IL1RAPL2: variants seen among roughly 807,000 people sequenced by gnomAD.
The protein encoded by IL1RAPL2 is interleukin 1 receptor accessory protein like 2, also known as X-linked interleukin-1 receptor accessory protein-like 2.
In IL1RAPL2, 3 loss-of-function variants were observed where a neutral mutation model predicts 44.1. That is an observed-to-expected ratio of 0.07 (90% CI 0.03 to 0.18). The LOEUF (loss-of-function observed/expected upper bound fraction) is 0.18. Among genes scored for constraint, IL1RAPL2 ranks in the 10% least tolerant of loss-of-function variants. IL1RAPL2 has a pLI of 1.00. For missense variants in IL1RAPL2, 391 were observed against 496.4 expected (o/e 0.79, Z 2.02); for synonymous variants, 181 against 178.8 (o/e 1.01, Z -0.10).
chrX:104,933,954 T>C (rs921955517), intron 2 of IL1RAPL2, among the ~76,000 whole-genome samples: 1 of 111,562 alleles, frequency 9.0e-6, no homozygotes, highest in East Asian at 2.8e-4. Flanking sequence ...TATGGAAAAT[T>C]TGCAAATGGG....
intron 6 of IL1RAPL2, among the ~76,000 whole-genome samples, chrX:105,569,650 A>G (rs1345434494): frequency 1.8e-5 from 2 of 111,824 alleles, no homozygotes; most frequent in African/African-American, 6.5e-5. Flanking sequence ...CTCCAAACCA[A>G]TATCCTACAC....
chrX:105,424,748 C>T (rs1404556816), intron 5 of IL1RAPL2, among the ~76,000 whole-genome samples: 2 of 107,054 alleles, frequency 1.9e-5, no homozygotes, highest in Admixed American at 1.0e-4. Context: ...GAAACTATGT[C>T]TCAAAAAAAT....
At chrX:105,157,456 T>C (rs2033279302) in intron 2 of IL1RAPL2, among the ~76,000 whole-genome samples, 1 of 112,396 alleles carries the variant, frequency 8.9e-6, no homozygotes, top group African/African-American at 3.2e-5. Context: ...CAATTTTCAA[T>C]TATAAAATTC....
chrX:104,683,463 G>T (rs1381440450), intron 2 of IL1RAPL2, among the ~76,000 whole-genome samples: 2 of 112,159 alleles, frequency 1.8e-5, no homozygotes, highest in Non-Finnish European at 3.8e-5. Context: ...GTCAGAGAAA[G>T]AAGCAGAATG....
chrX:104,748,137 C>T (rs2147582152), intron 2 of IL1RAPL2, among the ~76,000 whole-genome samples: 1 of 111,426 alleles, frequency 9.0e-6, no homozygotes, highest in East Asian at 2.8e-4. Context: ...AAAGGTGTTT[C>T]ATTACATGGA....
intron 3 of IL1RAPL2, among the ~76,000 whole-genome samples, chrX:105,209,012 G>T (rs1217404448): frequency 1.4e-4 from 16 of 111,694 alleles, no homozygotes; most frequent in African/African-American, 1.9e-4. Flanking sequence ...TTGCTCACAT[G>T]AATCTTTTTT....
intron 2 of IL1RAPL2, among the ~76,000 whole-genome samples, chrX:104,886,810 C>T (rs1345947948): frequency 1.8e-5 from 2 of 112,216 alleles, no homozygotes; most frequent in Non-Finnish European, 3.8e-5. Context: ...AGGGATAGCC[C>T]TCATCCGTTT....
At chrX:105,599,477 G>C (rs780146988) in intron 6 of IL1RAPL2, among the ~76,000 whole-genome samples, 42 of 111,185 alleles carry the variant, frequency 3.8e-4, no homozygotes, top group Non-Finnish European at 1.7e-4. Flanking sequence ...CCTGTGAATT[G>C]AGTGTAATAT....
intron 6 of IL1RAPL2, among the ~76,000 whole-genome samples, chrX:105,547,767 C>T (rs2036815747): frequency 8.9e-6 from 1 of 112,382 alleles, no homozygotes; most frequent in Non-Finnish European, 1.9e-5. Context: ...TGTGCACATA[C>T]TTTGTAAGTC....
At chrX:105,030,005 A>G (rs1271167864) in intron 2 of IL1RAPL2, among the ~76,000 whole-genome samples, 2 of 112,182 alleles carry the variant, frequency 1.8e-5, no homozygotes, top group Non-Finnish European at 3.8e-5. Context: ...ATGGTCAGTG[A>G]TGATGAGCAT....
intron 2 of IL1RAPL2, among the ~76,000 whole-genome samples, chrX:104,739,711 C>G (rs1201624037): frequency 8.9e-6 from 1 of 111,925 alleles, no homozygotes. Flanking sequence ...AAAATTTAAA[C>G]TACAGCACTA....
At chrX:105,709,143 A>G (rs1412056903) in intron 6 of IL1RAPL2, among the ~76,000 whole-genome samples, 2 of 112,178 alleles carry the variant, frequency 1.8e-5, no homozygotes, top group Non-Finnish European at 3.8e-5. Context: ...ACTGGGTCAA[A>G]GAAAGCAGGG....
intron 2 of IL1RAPL2, among the ~76,000 whole-genome samples, chrX:104,988,065 C>T (rs1308232421): frequency 8.9e-6 from 1 of 112,269 alleles, no homozygotes; most frequent in African/African-American, 3.2e-5. Flanking sequence ...ATTCTTTAGT[C>T]TTCCAGAGTG....
intron 2 of IL1RAPL2, among the ~76,000 whole-genome samples, chrX:104,812,045 A>G (rs1348257179): frequency 9.0e-6 from 1 of 111,370 alleles, no homozygotes; most frequent in African/African-American, 3.3e-5. Flanking sequence ...CTATGATGGC[A>G]GGAAGGGCAA....
intron 2 of IL1RAPL2, among the ~76,000 whole-genome samples, chrX:104,675,519 G>C (rs1252673491): frequency 9.0e-6 from 1 of 110,985 alleles, no homozygotes; most frequent in Non-Finnish European, 1.9e-5. Flanking sequence ...TTACTTCCAA[G>C]TATGTGGTCA....
chrX:105,432,129 CTT>C (rs386417369), intron 5 of IL1RAPL2, among the ~76,000 whole-genome samples: 6 of 44,839 alleles, frequency 1.3e-4, no homozygotes, highest in South Asian at 4.8e-3. Flanking sequence ...TTCAATTTGC[CTT>C]TTTTTTTTTT....
At chrX:105,734,036 G>A (rs192824258) in intron 7 of IL1RAPL2, among the ~76,000 whole-genome samples, 4 of 111,328 alleles carry the variant, frequency 3.6e-5, no homozygotes, top group Admixed American at 9.6e-5. Flanking sequence ...AGGTGTCAGA[G>A]GCTGAAATTC....
intron 2 of IL1RAPL2, among the ~76,000 whole-genome samples, chrX:105,115,402 G>A (rs1569385566): frequency 9.0e-6 from 1 of 111,492 alleles, no homozygotes; most frequent in East Asian, 2.8e-4. Context: ...CCTGCTGATT[G>A]GTCCATTTTA....
chrX:105,272,039 A>C (rs2034450316), intron 5 of IL1RAPL2, among the ~76,000 whole-genome samples: 1 of 106,563 alleles, frequency 9.4e-6, no homozygotes, highest in Non-Finnish European at 1.9e-5. Flanking sequence ...AGAACAAAAA[A>C]CCAAACACCG....
Sources: allele counts gnomAD v4.1 joint callset (sites outside exome capture counted in the v4.1 genomes callset), GRCh38; gene constraint gnomAD v4.1.1; transcripts MANE v1.5; gene names NCBI Gene and HGNC (gene_info 2026-07-23, HGNC 2026-07-21).